DGCR8: variants seen among roughly 807,000 people sequenced by gnomAD.
DGCR8 encodes microprocessor complex subunit DGCR8.
Under a neutral mutation model 78.5 loss-of-function variants are expected in DGCR8, and 14 were observed. That is an observed-to-expected ratio of 0.18 (90% CI 0.12 to 0.28). The LOEUF is 0.28. Ranked by LOEUF, DGCR8 falls within the 10% of genes least tolerant of loss-of-function variation. The probability of loss-of-function intolerance (pLI) is 1.00; values close to 1 mark genes in which losing one functional copy is unlikely to be tolerated. For synonymous variants in DGCR8, 399 were observed against 402.4 expected, an observed-to-expected ratio of 0.99 and a Z score of 0.10; for missense variants, 702 against 1,022.5, an observed-to-expected ratio of 0.69 and a Z score of 4.28.
rs1327260765 is a variant in DGCR8, at chr22:20,087,937, G to T, written c.880+616G>T. On this transcript the variant is annotated intron_variant, in intron 3 of 13. Transcript: ENST00000351989. This position sits in a 1 kb window ranked among gnomAD's most constrained non-coding sequence, Gnocchi z 4.1. The stretch of plus-strand genomic sequence containing the variant: ...GAGGCTCTGTCATCGATGTGGTGCA[G>T]GTGTTGGGGGAGTCGGAGTTGGTGG... Among the ~76,000 whole-genome samples the T allele has an allele frequency of 1.3e-5, 2 of 152,130 alleles. No individual in the cohort carries two copies. The highest frequency in any genetic ancestry group is 4.8e-5 in the African/African-American group (2 of 41,424).
At position 20,085,721 on chromosome 22, in the gene DGCR8, C is replaced by A; in HGVS notation, c.-243C>A. Reference sequence around the variant, plus strand: ...GAAAGGTGCCACTCCGGCATGAAGACAGACTCGCTTAGTCGCCAGTCACTT... The same window carrying A: ...GAAAGGTGCCACTCCGGCATGAAGAAAGACTCGCTTAGTCGCCAGTCACTT... On this transcript the variant is annotated 5_prime_UTR_variant, in exon 2 of 14. Transcript: ENST00000351989. This position sits in a 1 kb window ranked among gnomAD's most constrained non-coding sequence, Gnocchi z 6.2. 7.5e-7 allele frequency: 1 copy of A among 1,336,948 alleles called. No homozygotes were observed. Among genetic ancestry groups the A allele is most frequent in the Middle Eastern group, 2.2e-4 (1 of 4,454 alleles). The allele number at this position is 1,336,948 out of a possible 1,614,324, so 82.8% of individuals were successfully genotyped here. A position where few individuals can be genotyped will look rare whatever the true frequency, so the allele number is the denominator to read the frequency against.
rs765333918 is a variant in DGCR8 at position 20,106,194 on chromosome 22, C to T, written c.1806C>T (p.Ser602=). ...TGTTGTAGTATTTTAACCACATCAG[C>T]ATCGAGGACTCGCGGGTCTACGAGC... ...SEELEYFNHI[S]IEDSRVYELT... The change falls in exon 10 of 14, where the codon AGC becomes AGT. Residue 602 remains serine (S), a synonymous_variant. Coordinates refer to ENST00000351989, the MANE Select transcript of DGCR8 (RefSeq NM_022720.7). 6.8e-6 allele frequency: 11 copies of T among 1,614,026 alleles called. No homozygotes were observed. Among genetic ancestry groups the T allele is most frequent in the South Asian group, 2.2e-5 (2 of 91,088 alleles).
intron 9 of DGCR8, chr22:20,100,555 G>A (rs1445442067): frequency 1.0e-6 from 1 of 985,400 alleles, no homozygotes; most frequent in Non-Finnish European, 1.2e-6. Context: ...AGCCCTGCCT[G>A]TTCTTTGCTA....
Position 20,087,237 on chromosome 22 carries a change from A to G in DGCR8, c.796A>G (p.Lys266Glu), listed in dbSNP as rs771066498. 8.1e-6 allele frequency: 13 copies of G among 1,614,038 alleles called. No individual in the cohort carries two copies. Among genetic ancestry groups the G allele is most frequent in the East Asian group, 6.7e-5 (3 of 44,888 alleles). Reference sequence around the variant, plus strand: ...CCCCAAAAAGAGGCGAACAGAGGAAAAATATGGCGGAGACAGCGACCATCC... The same window carrying G: ...CCCCAAAAAGAGGCGAACAGAGGAAGAATATGGCGGAGACAGCGACCATCC... The part of the protein sequence containing the change: ...CAPKKRRTEE[K>E]YGGDSDHPSD... Residue 266 changes from lysine (K) to glutamate (E), a missense_variant, in exon 3 of 14, where the codon AAA becomes GAA. Around this residue, in one of 4 missense-constraint regions of DGCR8, gnomAD observed 356 missense variants for 448.9 expected, o/e 0.79. Transcript: ENST00000351989. The surrounding 1 kb of genome is among the most constrained non-coding windows in gnomAD (Gnocchi z 4.1).
rs1210133636 is a variant in DGCR8 at position 20,086,153 on chromosome 22, G to A, written c.190G>A (p.Glu64Lys). 4.3e-6 allele frequency: 7 copies of A among 1,614,058 alleles called. No individual in the cohort carries two copies. In the African/African-American group the frequency reaches 8.0e-5, roughly 18 times the overall value. ...GGDGQSELPAEDPFNFYGASL... is the reference protein window; with the variant it reads ...GGDGQSELPAKDPFNFYGASL... ...TGATGGACAGTCCGAACTCCCTGCT[G>A]AGGACCCCTTCAACTTCTACGGAGC... The change falls in exon 2 of 14, where the codon GAG (glutamate) becomes AAG (lysine). Residue 64 changes from glutamate (E) to lysine (K), a missense_variant. Glu to Lys is a moderately conservative substitution (Grantham distance 56). Coordinates refer to ENST00000351989, the MANE Select transcript of DGCR8 (RefSeq NM_022720.7). The surrounding 1 kb of genome is among the most constrained non-coding windows in gnomAD (Gnocchi z 6.4).
At position 20,080,586 on chromosome 22, in the gene DGCR8, C is replaced by T. The variant is rs1174653700; in HGVS notation, c.-278+203C>T. ...ACGCCTCCGGGGCTGGGGGGCGGGCCCCGGGCCCAGGCGTTGCCGACTCTC... is the reference window on the plus strand; with the variant it reads ...ACGCCTCCGGGGCTGGGGGGCGGGCTCCGGGCCCAGGCGTTGCCGACTCTC... On this transcript the variant is annotated intron_variant, in intron 1 of 13. Coordinates refer to ENST00000351989, the MANE Select transcript of DGCR8 (RefSeq NM_022720.7). 3 of 738,756 alleles carry T rather than the reference C, an allele frequency of 4.1e-6. No homozygotes were observed. The East Asian group carries it at 3.9e-4, about 96-fold the overall frequency. The allele number at this position is 738,756 out of a possible 1,614,324, so 45.8% of individuals were successfully genotyped here.
chr22:20,081,195 C>T (rs1253206132), intron 1 of DGCR8, among the ~76,000 whole-genome samples: 1 of 152,228 alleles, frequency 6.6e-6, no homozygotes, highest in African/African-American at 2.4e-5. Context: ...TGAGGTCATA[C>T]TGCCGCTGGG....
In DGCR8 at chr22:20,089,892, C is replaced by T. The variant is rs534615629; in HGVS notation, c.1023+81C>T. On this transcript the variant is annotated intron_variant, in intron 4 of 13. Transcript: ENST00000351989. The surrounding 1 kb of genome is among the most constrained non-coding windows in gnomAD (Gnocchi z 4.9). Reference sequence around the variant, plus strand: ...CACATCCACACACATGGCACCGCAGCCAAGCAGAGGCCGGTGAAAGGCATC... The same window carrying T: ...CACATCCACACACATGGCACCGCAGTCAAGCAGAGGCCGGTGAAAGGCATC... 2 of 1,590,984 alleles carry T rather than the reference C, an allele frequency of 1.3e-6. No individual in the cohort carries two copies. Among genetic ancestry groups the T allele is most frequent in the East Asian group, 4.5e-5 (2 of 44,586 alleles).
chr22:20,105,788 A>C (rs2049762419), intron 9 of DGCR8, among the ~76,000 whole-genome samples: 1 of 152,146 alleles, frequency 6.6e-6, no homozygotes, highest in Non-Finnish European at 1.5e-5. Flanking sequence ...CCTCTCCTGT[A>C]GTCTCAGTTG....
At chr22:20,085,000 G>T (rs529873540) in intron 1 of DGCR8, 3 of 985,400 alleles carry the variant, frequency 3.0e-6, no homozygotes, top group Admixed American at 6.1e-5. Flanking sequence ...CTCGGCTCCA[G>T]CTGTCTCTTG....
chr22:20,096,606 C>A, intron 9 of DGCR8: 1 of 398,080 alleles, frequency 2.5e-6, no homozygotes, highest in Non-Finnish European at 3.4e-6. Flanking sequence ...GTATAACCAT[C>A]ATAACTACCT....
chr22:20,081,832 T>C (rs187313257), intron 1 of DGCR8, among the ~76,000 whole-genome samples: 60 of 152,210 alleles, frequency 3.9e-4, no homozygotes, highest in Admixed American at 1.7e-3. Flanking sequence ...CTATCTAAAG[T>C]CCCTTTGATT....
chr22:20,091,661 A>C (rs2049563017), intron 6 of DGCR8, 29 bp downstream of exon 6: 1 of 1,608,964 alleles, frequency 6.2e-7, no homozygotes, highest in African/African-American at 1.3e-5. Context: ...TAACATCAGC[A>C]GACTGGTTAT....
At chr22:20,108,687 C>T (rs2049798675) in intron 12 of DGCR8, 2 of 433,536 alleles carry the variant, frequency 4.6e-6, no homozygotes, top group Admixed American at 6.8e-5. Context: ...CTGCCCCTCG[C>T]TCTCTGCTGC....
In DGCR8 at chr22:20,107,259, T is replaced by A. The variant is rs1287110024; in HGVS notation, c.1997-12T>A. 5 of 1,613,966 alleles carry A rather than the reference T, an allele frequency of 3.1e-6. No individual in the cohort carries two copies. Among genetic ancestry groups the A allele is most frequent in the Non-Finnish European group, 4.2e-6 (5 of 1,179,990 alleles). ...GTGACCCCCTCTCCATGCTTGCTCT[T>A]TCTCTGTGTAGGTAAGAACAAGAGA... On this transcript the variant is annotated splice_polypyrimidine_tract_variant and intron_variant, in intron 11 of 13. Transcript: ENST00000351989.
intron 9 of DGCR8, chr22:20,101,822 T>C (rs2049705781): frequency 2.0e-6 from 2 of 985,220 alleles, no homozygotes; most frequent in African/African-American, 3.5e-5. Flanking sequence ...GACTGTCCCC[T>C]GGACAGCCTG....
intron 13 of DGCR8, chr22:20,109,287 G>A (rs1171419183): frequency 2.8e-6 from 1 of 356,378 alleles, no homozygotes; most frequent in Non-Finnish European, 5.4e-6. Flanking sequence ...GTCCTCCCTG[G>A]GTGTTTGGAG....
intron 9 of DGCR8, among the ~76,000 whole-genome samples, chr22:20,097,168 G>A (rs1347817072): frequency 6.6e-6 from 1 of 152,164 alleles, no homozygotes; most frequent in Non-Finnish European, 1.5e-5. Context: ...GCAGGTACAG[G>A]TATCAGGATA....
intron 8 of DGCR8, among the ~76,000 whole-genome samples, chr22:20,093,387 A>G (rs1445847755): frequency 2.0e-5 from 3 of 151,898 alleles, no homozygotes; most frequent in African/African-American, 4.8e-5. Flanking sequence ...CCTGGGCGAC[A>G]GTGCAAGACT....
Sources: allele counts gnomAD v4.1 joint callset (sites outside exome capture counted in the v4.1 genomes callset), GRCh38; gene constraint gnomAD v4.1.1; regional missense constraint gnomAD v4.1.1; non-coding constraint Gnocchi (gnomAD v3.1); transcripts MANE v1.5; gene names NCBI Gene and HGNC (gene_info 2026-07-23, HGNC 2026-07-21).